DGKI: variants seen among roughly 807,000 people sequenced by gnomAD.
The protein encoded by DGKI is diacylglycerol kinase iota, also known as DAG kinase iota.
A neutral mutation model predicts 147.5 loss-of-function variants in DGKI; 55 were observed. The observed-to-expected ratio is 0.37, with a 90% CI of 0.30 to 0.47. The LOEUF (loss-of-function observed/expected upper bound fraction) is 0.47. Among genes scored for constraint, DGKI ranks in the 20% least tolerant of loss-of-function variants. The pLI, the probability that DGKI is intolerant of heterozygous loss-of-function variation, is 1.00. For missense variants in DGKI, 1,007 were observed against 1,323.8 expected, an observed-to-expected ratio of 0.76 and a Z score of 3.71; for synonymous variants, 469 against 477.1, an observed-to-expected ratio of 0.98 and a Z score of 0.22.
At chr7:137,816,553 T>C (rs1797741964) in intron 1 of DGKI, among the ~76,000 whole-genome samples, 1 of 152,238 alleles carries the variant, frequency 6.6e-6, no homozygotes, top group African/African-American at 2.4e-5. Flanking sequence ...CATTTTCCAA[T>C]GTGCCTCACA....
intron 2 of DGKI, among the ~76,000 whole-genome samples, chr7:137,680,747 C>T (rs976438984): frequency 6.6e-6 from 1 of 151,806 alleles, no homozygotes; most frequent in Non-Finnish European, 1.5e-5. Flanking sequence ...TGCCATTGCA[C>T]TCCAGTCTGG....
At chr7:137,671,965 A>C (rs1822855872) in intron 3 of DGKI, among the ~76,000 whole-genome samples, 2 of 152,194 alleles carry the variant, frequency 1.3e-5, no homozygotes, top group African/African-American at 4.8e-5. Flanking sequence ...CTCACATTTA[A>C]AAATAGAGAA....
At chr7:137,540,075 A>G (rs923144120) in intron 20 of DGKI, among the ~76,000 whole-genome samples, 5 of 152,208 alleles carry the variant, frequency 3.3e-5, no homozygotes, top group African/African-American at 1.2e-4. Flanking sequence ...TAGTCCTACA[A>G]CTCCTAAAGA....
At chr7:137,788,268 T>G (rs1477764449) in intron 1 of DGKI, among the ~76,000 whole-genome samples, 1 of 152,124 alleles carries the variant, frequency 6.6e-6, no homozygotes, top group Non-Finnish European at 1.5e-5. Context: ...AGCTGCCTAC[T>G]GGACGGTCCA....
intron 8 of DGKI, among the ~76,000 whole-genome samples, chr7:137,617,155 T>TAAAAAAAAAAAAAAAAAAAAA (rs1820562907): frequency 7.5e-6 from 1 of 132,572 alleles, no homozygotes; most frequent in South Asian, 2.3e-4. Flanking sequence ...AAAAAAAAAT[T>TAAAAAAAAAAAAAAAAAAAAA]AAACCTAAAT....
intron 20 of DGKI, among the ~76,000 whole-genome samples, chr7:137,535,360 T>C (rs1039518581): frequency 3.3e-5 from 5 of 152,124 alleles, no homozygotes; most frequent in African/African-American, 1.2e-4. Flanking sequence ...ATTAAAAACA[T>C]AGAAAAATCT....
intron 1 of DGKI, among the ~76,000 whole-genome samples, chr7:137,697,552 T>C (rs1253655579): frequency 6.6e-6 from 1 of 152,180 alleles, no homozygotes; most frequent in African/African-American, 2.4e-5. Context: ...GTGAATAAGA[T>C]CTTAACCTCT....
At chr7:137,526,935 A>G (rs1022922807) in intron 20 of DGKI, among the ~76,000 whole-genome samples, 3 of 152,132 alleles carry the variant, frequency 2.0e-5, no homozygotes, top group Non-Finnish European at 4.4e-5. Flanking sequence ...GGATGGGCTG[A>G]GCGTTTTGGT....
chr7:137,764,086 C>T (rs916969786), intron 1 of DGKI, among the ~76,000 whole-genome samples: 4 of 152,176 alleles, frequency 2.6e-5, no homozygotes, highest in African/African-American at 7.2e-5. Context: ...CAGATCTAGG[C>T]CCAGAGCCCA....
At chr7:137,721,950 G>C (rs944930877) in intron 1 of DGKI, 3 of 1,285,048 alleles carry the variant, frequency 2.3e-6, no homozygotes, top group Non-Finnish European at 3.2e-6. Context: ...CCTCAGCTTA[G>C]AAGTATAGCA....
intron 1 of DGKI, among the ~76,000 whole-genome samples, chr7:137,783,164 C>T (rs140782525): frequency 2.6e-5 from 4 of 152,094 alleles, no homozygotes; most frequent in Admixed American, 2.6e-4. Flanking sequence ...TTCAGAAGGC[C>T]GACTATTAAG....
At chr7:137,480,024 C>T (rs780669324) in intron 23 of DGKI, among the ~76,000 whole-genome samples, 3 of 152,116 alleles carry the variant, frequency 2.0e-5, no homozygotes, top group Non-Finnish European at 2.9e-5. Context: ...CATTCTTCAA[C>T]CCAGATTTCG....
At chr7:137,539,831 A>G (rs914930888) in intron 20 of DGKI, among the ~76,000 whole-genome samples, 2 of 152,156 alleles carry the variant, frequency 1.3e-5, no homozygotes, top group East Asian at 3.9e-4. Flanking sequence ...AAAAAAGCCA[A>G]TAAAATGGAT....
At chr7:137,440,384 G>C (rs1462026089) in intron 28 of DGKI, among the ~76,000 whole-genome samples, 2 of 152,192 alleles carry the variant, frequency 1.3e-5, no homozygotes, top group Non-Finnish European at 2.9e-5. Context: ...CAGCAGGAGG[G>C]AGAAGTTGTT....
At chr7:137,690,803 G>T (rs1021301148) in intron 1 of DGKI, among the ~76,000 whole-genome samples, 22 of 152,098 alleles carry the variant, frequency 1.4e-4, no homozygotes, top group Admixed American at 1.4e-3. Context: ...TGAGCAAAGG[G>T]AAGGGAAGAA....
chr7:137,472,212 T>TATATATGTATATATACATATA lies in DGKI; in HGVS notation c.2374-2614_2374-2594dup, dbSNP rs1563039788. On this transcript the variant is annotated intron_variant, in intron 23 of 32. Coordinates refer to ENST00000614521, the MANE Select transcript of DGKI (RefSeq NM_001321708.2). ...CATATAAATATTATATACATACACA[T>TATATATGTATATATACATATA]ATATATGTATATATACATATAATAT... is the stretch of plus-strand genomic sequence containing the variant. Among the ~76,000 whole-genome samples the TATATATGTATATATACATATA allele has an allele frequency of 8.9e-3, 875 of 98,518 alleles. 23 individuals are homozygous for TATATATGTATATATACATATA. Among genetic ancestry groups the TATATATGTATATATACATATA allele is most frequent in the African/African-American group, 0.032 (709 of 22,418 alleles). 64.6% of individuals were successfully genotyped at this position (98,518 alleles called of 152,430 possible).
chr7:137,384,339 T>A lies in DGKI; in HGVS notation c.*6881A>T, dbSNP rs1204610927. ...TCTCTCCGACAGCAAAAACTCTGACTTTTTGATTTCACATTCTCCCTTATT... is the reference window on the plus strand; with the variant it reads ...TCTCTCCGACAGCAAAAACTCTGACATTTTGATTTCACATTCTCCCTTATT... On this transcript the variant is annotated 3_prime_UTR_variant, in exon 33 of 33. Transcript: ENST00000614521. 3 of 152,054 alleles carry A rather than the reference T, an allele frequency of 2.0e-5. No homozygotes were observed. The highest frequency in any genetic ancestry group is 7.2e-5 in the African/African-American group (3 of 41,428). The allele number at this position is 152,054 out of a possible 1,614,324, so 9.4% of individuals were successfully genotyped here.
chr7:137,589,265 C>A (rs564917173), intron 12 of DGKI, among the ~76,000 whole-genome samples: 6 of 152,212 alleles, frequency 3.9e-5, no homozygotes, highest in Admixed American at 1.3e-4. Context: ...AACTAAAATT[C>A]TTTCTCCTCC....
intron 19 of DGKI, among the ~76,000 whole-genome samples, chr7:137,569,667 T>C (rs1261733531): frequency 1.5e-5 from 2 of 130,284 alleles, no homozygotes; most frequent in African/African-American, 3.0e-5. Context: ...AGGTAGAGCT[T>C]GCAGTGAGCC....
Sources: gnomAD v4.1 joint callset for allele counts (sites outside exome capture counted in the v4.1 genomes callset) on GRCh38, gnomAD v4.1.1 for gene constraint, MANE v1.5 for transcripts, NCBI Gene and HGNC (gene_info 2026-07-23, HGNC 2026-07-21) for gene names.